Variants in SPATA13 observed in about 807,000 individuals in gnomAD.
The protein encoded by SPATA13 is spermatogenesis-associated protein 13.
A neutral mutation model predicts 104.0 loss-of-function variants in SPATA13; 50 were observed. The observed-to-expected ratio is 0.48, with a 90% CI of 0.38 to 0.61. The LOEUF is 0.61. Ranked by LOEUF, SPATA13 falls within the 20% of genes least tolerant of loss-of-function variation. SPATA13 has a pLI of 0.00. For missense variants in SPATA13, 1,524 were observed against 1,690.6 expected (o/e 0.90, Z 1.73); for synonymous variants, 606 against 667.5 (o/e 0.91, Z 1.42).
At chr13:24,036,920 C>T (rs1223773934) in intron 3 of SPATA13, among the ~76,000 whole-genome samples, 12 of 151,432 alleles carry the variant, frequency 7.9e-5, no homozygotes, top group African/African-American at 2.9e-4. Context: ...AGACTACAGG[C>T]GTGCACCACC....
intron 1 of SPATA13, among the ~76,000 whole-genome samples, chr13:24,180,110 A>G (rs2138521930): frequency 6.6e-6 from 1 of 152,152 alleles, no homozygotes; most frequent in Admixed American, 6.5e-5. Flanking sequence ...TTTTCTCCCT[A>G]TTTTTGTCTA....
chr13:24,056,795 A>G (rs1286551090), intron 3 of SPATA13, among the ~76,000 whole-genome samples: 1 of 152,164 alleles, frequency 6.6e-6, no homozygotes, highest in Non-Finnish European at 1.5e-5. Context: ...CGTGTCTGAT[A>G]AGATTTCCAA....
chr13:24,287,581 T>TTGTCACTATCTGCAACCCCGC (rs879706800), intron 7 of SPATA13, among the ~76,000 whole-genome samples: 5 of 152,194 alleles, frequency 3.3e-5, no homozygotes, highest in Non-Finnish European at 7.3e-5. Flanking sequence ...AGTCAAAGGT[T>TTGTCACTATCTGCAACCCCGC]TGTCACTATC....
chr13:24,244,336 A>G (rs1228574660), intron 2 of SPATA13, among the ~76,000 whole-genome samples: 2 of 152,224 alleles, frequency 1.3e-5, no homozygotes, highest in African/African-American at 4.8e-5. Context: ...CTATTTGACT[A>G]TACTTCCTTT....
At chr13:24,049,746 G>A (rs888596480) in intron 3 of SPATA13, among the ~76,000 whole-genome samples, 8 of 152,186 alleles carry the variant, frequency 5.3e-5, no homozygotes, top group African/African-American at 1.9e-4. Context: ...TGCACCACAT[G>A]TGTAAATATC....
intron 1 of SPATA13, among the ~76,000 whole-genome samples, chr13:24,186,100 C>T (rs1869134441): frequency 6.6e-6 from 1 of 152,196 alleles, no homozygotes; most frequent in Admixed American, 6.5e-5. Context: ...ACAGCAACAT[C>T]CAGACTGGTG....
chr13:24,003,980 T>A (rs1462052359), intron 2 of SPATA13, among the ~76,000 whole-genome samples: 1 of 152,160 alleles, frequency 6.6e-6, no homozygotes, highest in East Asian at 1.9e-4. Flanking sequence ...TTCATATACA[T>A]ACACACAGAA....
At chr13:24,006,190 G>C (rs1325681317) in intron 2 of SPATA13, among the ~76,000 whole-genome samples, 3 of 152,242 alleles carry the variant, frequency 2.0e-5, no homozygotes, top group African/African-American at 4.8e-5. Context: ...GGAGGGTATA[G>C]AGGGTAAGTC....
intron 3 of SPATA13, among the ~76,000 whole-genome samples, chr13:24,145,761 T>G (rs1881908847): frequency 6.6e-6 from 1 of 152,152 alleles, no homozygotes; most frequent in African/African-American, 2.4e-5. Flanking sequence ...ATTTTCAAAT[T>G]GGTGATGCTG....
intron 4 of SPATA13, chr13:24,278,599 T>C: frequency 7.0e-7 from 1 of 1,434,346 alleles, no homozygotes; most frequent in Non-Finnish European, 9.1e-7. Flanking sequence ...TTCTATACTG[T>C]TTTTCAATTT....
chr13:24,110,674 A>G (rs1157669136), intron 3 of SPATA13, among the ~76,000 whole-genome samples: 4 of 152,224 alleles, frequency 2.6e-5, no homozygotes, highest in African/African-American at 9.6e-5. Flanking sequence ...CAGAAAGGAA[A>G]CAAACATGCC....
At chr13:24,077,474 T>A (rs1879371894) in intron 3 of SPATA13, among the ~76,000 whole-genome samples, 1 of 151,800 alleles carries the variant, frequency 6.6e-6, no homozygotes, top group Non-Finnish European at 1.5e-5. Context: ...GAATCCAAAA[T>A]GGGGGAAGAA....
chr13:24,065,520 A>G (rs1878923986), intron 3 of SPATA13, among the ~76,000 whole-genome samples: 2 of 152,168 alleles, frequency 1.3e-5, no homozygotes, highest in African/African-American at 4.8e-5. Context: ...AACGCTGAGA[A>G]CTCACTGACC....
intron 1 of SPATA13, among the ~76,000 whole-genome samples, chr13:24,190,823 G>A (rs950191115): frequency 1.3e-5 from 2 of 152,162 alleles, no homozygotes; most frequent in Non-Finnish European, 2.9e-5. Flanking sequence ...AATTGATAAA[G>A]CAGTAGCAGG....
At chr13:24,003,172 G>GGT (rs149786152) in intron 2 of SPATA13, among the ~76,000 whole-genome samples, 80 of 151,134 alleles carry the variant, frequency 5.3e-4, no homozygotes, top group African/African-American at 1.2e-3. Flanking sequence ...TAAATGCAGG[G>GGT]GTGTGTGTGT....
At chr13:24,118,113 A>G (rs1249257231) in intron 3 of SPATA13, among the ~76,000 whole-genome samples, 1 of 152,220 alleles carries the variant, frequency 6.6e-6, no homozygotes, top group Non-Finnish European at 1.5e-5. Flanking sequence ...AAGCCCCAAT[A>G]TTATGAGGAA....
chr13:24,068,284 G>A (rs1879037803), intron 3 of SPATA13, among the ~76,000 whole-genome samples: 1 of 152,090 alleles, frequency 6.6e-6, no homozygotes, highest in Admixed American at 6.5e-5. Context: ...CTGCTAGTTT[G>A]CTAAGGATAA....
At chr13:24,024,313 T>A (rs1037300358) in intron 3 of SPATA13, among the ~76,000 whole-genome samples, 4 of 148,938 alleles carry the variant, frequency 2.7e-5, no homozygotes. Flanking sequence ...CAGACCATGG[T>A]GGGTGCTTAA....
intron 3 of SPATA13, among the ~76,000 whole-genome samples, chr13:24,094,897 A>C (rs1215708372): frequency 6.6e-6 from 1 of 152,364 alleles, no homozygotes; most frequent in South Asian, 2.1e-4. Context: ...ACTAAAAGAA[A>C]AGAAAATACT....
Sources: allele counts gnomAD v4.1 joint callset (sites outside exome capture counted in the v4.1 genomes callset), GRCh38; gene constraint gnomAD v4.1.1; transcripts MANE v1.5; gene names NCBI Gene and HGNC (gene_info 2026-07-23, HGNC 2026-07-21).